Variants in RAD51C observed in about 807,000 individuals in gnomAD.
The protein encoded by RAD51C is RAD51 paralog C, also known as DNA repair protein RAD51 homolog 3.
In RAD51C, 42 loss-of-function variants were observed where a neutral mutation model predicts 45.0. The ratio of observed to expected loss-of-function variants is 0.93; its 90% CI spans 0.73 to 1.21. The LOEUF (loss-of-function observed/expected upper bound fraction) is 1.21, where lower values mean the gene tolerates loss of function less well. Ranked by LOEUF, RAD51C falls within the 50% of genes most tolerant of loss-of-function variation. The pLI, the probability that RAD51C is intolerant of heterozygous loss-of-function variation, is 0.00. For synonymous variants in RAD51C, 172 were observed against 159.8 expected (o/e 1.08, Z -0.58); for missense variants, 474 against 452.2 (o/e 1.05, Z -0.44).
chr17:58,710,133 A>G, intron 5 of RAD51C, 143 bp downstream of exon 5: 1 of 983,462 alleles, frequency 1.0e-6, no homozygotes, highest in Non-Finnish European at 1.5e-6. Flanking sequence ...GTTGGTTTCC[A>G]TTAAAAAATT....
chr17:58,714,009 G>A (rs1332232580), intron 5 of RAD51C, among the ~76,000 whole-genome samples: 2 of 150,122 alleles, frequency 1.3e-5, no homozygotes, highest in Non-Finnish European at 3.0e-5. Flanking sequence ...GTTTTAGATA[G>A]AGTCTTCCTC....
In RAD51C at chr17:58,734,228, A is replaced by G. The variant is rs2049568799; in HGVS notation, c.*6A>G. ...ACCCAGAGGAAGAATTATAACCCAG[A>G]AACAAATCTCAAAGTGTACAAATTT... On this transcript the variant is annotated 3_prime_UTR_variant, in exon 9 of 9. Transcript: ENST00000337432. 1 of 1,608,950 alleles carries G rather than the reference A, an allele frequency of 6.2e-7. No individual in the cohort carries two copies. Among genetic ancestry groups the G allele is most frequent in the Non-Finnish European group, 8.5e-7 (1 of 1,176,852 alleles).
At chr17:58,733,567 G>C (rs901665749) in intron 8 of RAD51C, among the ~76,000 whole-genome samples, 10 of 152,144 alleles carry the variant, frequency 6.6e-5, no homozygotes, top group African/African-American at 2.4e-4. Context: ...GACCTTTAGA[G>C]AACATTTTTA....
At chr17:58,696,601 T>A (rs1442176054) in intron 2 of RAD51C, 92 bp from the exon 3 acceptor site, 1 of 1,490,860 alleles carries the variant, frequency 6.7e-7, no homozygotes, top group Non-Finnish European at 9.3e-7. Flanking sequence ...TATAAAACTT[T>A]AGTGATACCT....
intron 7 of RAD51C, among the ~76,000 whole-genome samples, chr17:58,725,934 G>A (rs1475160395): frequency 1.3e-5 from 2 of 150,508 alleles, no homozygotes; most frequent in African/African-American, 4.9e-5. Context: ...GGAGGTTGCA[G>A]TGAGCCAAGA....
chr17:58,695,403 T>C, intron 2 of RAD51C: 1 of 1,294,052 alleles, frequency 7.7e-7, no homozygotes, highest in Non-Finnish European at 1.0e-6. Context: ...AAAGTGTTTC[T>C]TTTGCAAATT....
intron 7 of RAD51C, among the ~76,000 whole-genome samples, chr17:58,727,872 G>A (rs1277868225): frequency 6.6e-6 from 1 of 151,446 alleles, no homozygotes; most frequent in African/African-American, 2.4e-5. Context: ...GGGTGGCAGT[G>A]AGCTATGATT....
At chr17:58,718,293 TG>T (rs2048807661) in intron 5 of RAD51C, among the ~76,000 whole-genome samples, 1 of 152,122 alleles carries the variant, frequency 6.6e-6, no homozygotes, top group African/African-American at 2.4e-5. Flanking sequence ...CCACCGCGCC[TG>T]GGCTGTTTCT....
chr17:58,707,889 C>T (rs2048426523), intron 4 of RAD51C, among the ~76,000 whole-genome samples: 1 of 152,260 alleles, frequency 6.6e-6, no homozygotes, highest in Non-Finnish European at 1.5e-5. Flanking sequence ...GCTGTGTCCT[C>T]ATGGGGAGGA....
In RAD51C at chr17:58,734,529, C is replaced by A. The variant is rs2049576108; in HGVS notation, c.*307C>A. Reference sequence around the variant, plus strand: ...AATTTACCATTCATACTGTTTTCACCCCTTTCTTTCCCAGTTGCCTATAAA... The same window carrying A: ...AATTTACCATTCATACTGTTTTCACACCTTTCTTTCCCAGTTGCCTATAAA... On this transcript the variant is annotated 3_prime_UTR_variant, in exon 9 of 9. Transcript: ENST00000337432. 1.0e-5 allele frequency: 4 copies of A among 385,206 alleles called. No individual in the cohort carries two copies. The highest frequency in any genetic ancestry group is 4.5e-5 in the East Asian group (1 of 22,018). The allele number at this position is 385,206 out of a possible 1,614,324, so 23.9% of individuals were successfully genotyped here.
rs1060502603 is a variant in RAD51C, at chr17:58,692,680, G to T, written c.37G>T (p.Asp13Tyr). Residue 13 changes from aspartate to tyrosine, a missense_variant, in exon 1 of 9, where the codon GAT (aspartate) becomes TAT (tyrosine). Coordinates refer to ENST00000337432, the MANE Select transcript of RAD51C (RefSeq NM_058216.3). ...GACGTTCCGCTTTGAAATGCAGCGGGATTTGGTGAGTTTCCCGCTGTCTCC... is the reference window on the plus strand; with the variant it reads ...GACGTTCCGCTTTGAAATGCAGCGGTATTTGGTGAGTTTCCCGCTGTCTCC... ...GKTFRFEMQRDLVSFPLSPAV... is the reference protein window; with the variant it reads ...GKTFRFEMQRYLVSFPLSPAV... 1 of 1,614,256 alleles carries T rather than the reference G, an allele frequency of 6.2e-7. No homozygotes were observed. The highest frequency in any genetic ancestry group is 8.5e-7 in the Non-Finnish European group (1 of 1,180,052).
At chr17:58,701,304 C>T (rs985513169) in intron 3 of RAD51C, among the ~76,000 whole-genome samples, 15 of 151,764 alleles carry the variant, frequency 9.9e-5, no homozygotes, top group African/African-American at 3.1e-4. Context: ...GTCAGGAGAT[C>T]GAGACCATCC....
intron 5 of RAD51C, among the ~76,000 whole-genome samples, chr17:58,712,302 G>A (rs912540149): frequency 5.3e-5 from 7 of 132,702 alleles, no homozygotes; most frequent in African/African-American, 1.5e-4. Flanking sequence ...CCAAGATTGC[G>A]CCACTGCACT....
At chr17:58,721,334 A>G (rs2048911331) in intron 6 of RAD51C, among the ~76,000 whole-genome samples, 2 of 152,170 alleles carry the variant, frequency 1.3e-5, no homozygotes, top group Non-Finnish European at 2.9e-5. Flanking sequence ...TCTTGCCCCC[A>G]GGGAGTTCAC....
intron 5 of RAD51C, among the ~76,000 whole-genome samples, chr17:58,719,370 G>T (rs2048840593): frequency 6.6e-6 from 1 of 151,640 alleles, no homozygotes; most frequent in Non-Finnish European, 1.5e-5. Flanking sequence ...GCACCACCAT[G>T]CCCAGCTAAT....
intron 6 of RAD51C, 55 bp downstream of exon 6, chr17:58,720,867 T>A (rs2143933607): frequency 2.8e-6 from 4 of 1,412,348 alleles, no homozygotes; most frequent in Non-Finnish European, 4.0e-6. Context: ...CTTATCTCTT[T>A]CATTTGATTC....
intron 3 of RAD51C, among the ~76,000 whole-genome samples, chr17:58,702,776 T>G (rs1182990940): frequency 6.6e-6 from 1 of 151,552 alleles, no homozygotes; most frequent in Non-Finnish European, 1.5e-5. Flanking sequence ...GGCAGGAGGA[T>G]CCCTTGAGCC....
intron 7 of RAD51C, among the ~76,000 whole-genome samples, chr17:58,730,446 G>A (rs1415938207): frequency 6.6e-6 from 1 of 151,794 alleles, no homozygotes; most frequent in African/African-American, 2.4e-5. Flanking sequence ...CAAAGTGCTG[G>A]GATTACAGGC....
At chr17:58,698,917 C>T (rs1567790547) in intron 3 of RAD51C, among the ~76,000 whole-genome samples, 1 of 149,052 alleles carries the variant, frequency 6.7e-6, no homozygotes, top group Non-Finnish European at 1.5e-5. Context: ...AGTGAAACTC[C>T]TTCTCAAAAA....
Sources: gnomAD v4.1 joint callset for allele counts (sites outside exome capture counted in the v4.1 genomes callset) on GRCh38, gnomAD v4.1.1 for gene constraint, MANE v1.5 for transcripts, NCBI Gene and HGNC (gene_info 2026-07-23, HGNC 2026-07-21) for gene names.